The following CDH2 variants were observed in gnomAD, a reference collection of about 807,000 sequenced individuals.
The protein encoded by CDH2 is cadherin 2, also known as cadherin-2.
CDH2 carries 17 observed loss-of-function variants against 92.0 expected under a neutral mutation model. The observed-to-expected ratio is 0.18, with a 90% CI of 0.13 to 0.28. The LOEUF is 0.28. Among genes scored for constraint, CDH2 ranks in the 10% least tolerant of loss-of-function variants. The probability of loss-of-function intolerance (pLI) is 1.00; values close to 1 mark genes in which losing one functional copy is unlikely to be tolerated. For missense variants in CDH2, 862 were observed against 1,133.1 expected (o/e 0.76, Z 3.44); for synonymous variants, 419 against 415.9 (o/e 1.01, Z -0.09).
At chr18:28,144,452 C>T (rs1444033745) in intron 2 of CDH2, among the ~76,000 whole-genome samples, 1 of 151,948 alleles carries the variant, frequency 6.6e-6, no homozygotes, top group African/African-American at 2.4e-5. Context: ...AGAACTAACA[C>T]ACAAGCCTTG....
At chr18:28,160,172 A>C (rs1005227122) in intron 1 of CDH2, among the ~76,000 whole-genome samples, 8 of 151,292 alleles carry the variant, frequency 5.3e-5, no homozygotes, top group Non-Finnish European at 1.0e-4. Context: ...AAAAAAAAAA[A>C]CAGCAGGACC....
chr18:27,967,523 T>C (rs773899563), intron 14 of CDH2, among the ~76,000 whole-genome samples: 1 of 152,222 alleles, frequency 6.6e-6, no homozygotes. Flanking sequence ...ACATCTTTAT[T>C]TGGCTCCTAA....
chr18:27,963,956 TTC>T (rs71378903), intron 14 of CDH2, among the ~76,000 whole-genome samples: 53,667 of 151,904 alleles, frequency 0.35, 10,466 homozygotes, highest in Non-Finnish European at 0.45. Context: ...CCCTTCTTCC[TTC>T]TCTCTCTCCC....
At chr18:28,046,177 T>C (rs2014071519) in intron 2 of CDH2, among the ~76,000 whole-genome samples, 1 of 152,144 alleles carries the variant, frequency 6.6e-6, no homozygotes, top group Admixed American at 6.6e-5. Context: ...GTCTAAATAA[T>C]TTAAATACGG....
intron 1 of CDH2, among the ~76,000 whole-genome samples, chr18:28,163,297 T>C (rs2016333058): frequency 6.6e-6 from 1 of 152,188 alleles, no homozygotes; most frequent in Non-Finnish European, 1.5e-5. Flanking sequence ...GAAAACACAA[T>C]CTTGCATTAG....
chr18:28,064,222 G>A (rs569597189), intron 2 of CDH2, among the ~76,000 whole-genome samples: 7 of 152,098 alleles, frequency 4.6e-5, no homozygotes, highest in Non-Finnish European at 7.4e-5. Context: ...TCTGTATGGA[G>A]GCAATCCCTG....
chr18:28,167,941 C>T lies in CDH2; in HGVS notation c.60+9022G>A, dbSNP rs180827705. ...CAGACTTTTCTTTATTTACTCAACC[C>T]GAGAGCCATAAAGAATGAACTTCAG... On this transcript the variant is annotated intron_variant, in intron 1 of 15. Coordinates refer to ENST00000269141, the MANE Select transcript of CDH2 (RefSeq NM_001792.5). 4.5e-3 allele frequency among the ~76,000 whole-genome samples: 681 copies of T among 152,038 alleles called. 2 individuals are homozygous for T. The highest frequency in any genetic ancestry group is 0.016 in the African/African-American group (656 of 41,488).
intron 9 of CDH2, 85 bp from the exon 10 acceptor site, chr18:27,990,435 C>T (rs1227135594): frequency 1.7e-5 from 22 of 1,315,344 alleles, no homozygotes; most frequent in Non-Finnish European, 2.2e-5. Flanking sequence ...ACTCCATTTC[C>T]AAAAAATTAA....
At chr18:28,171,918 G>A (rs1210185345) in intron 1 of CDH2, among the ~76,000 whole-genome samples, 2 of 152,126 alleles carry the variant, frequency 1.3e-5, no homozygotes, top group Non-Finnish European at 2.9e-5. Context: ...CTACACAAGG[G>A]CATTCACTTA....
rs1031883491 is a variant in CDH2, at chr18:28,057,440, C to T, written c.173-43531G>A. On this transcript the variant is annotated intron_variant, in intron 2 of 15. Transcript: ENST00000269141. ...CAACACTTCAGGAGGCTGAGGTGGG[C>T]GGATCACTCAGGGTCAGAAGTTTGA... Among the ~76,000 whole-genome samples the T allele has an allele frequency of 8.6e-5, 13 of 151,788 alleles. No homozygotes were observed. In the East Asian group the frequency reaches 1.3e-3, roughly 16 times the overall value.
chr18:28,134,460 C>T (rs1000947573), intron 2 of CDH2, among the ~76,000 whole-genome samples: 2 of 152,000 alleles, frequency 1.3e-5, no homozygotes, highest in East Asian at 3.9e-4. Context: ...CTGTAATCCC[C>T]GCACTTGGGG....
chr18:28,080,536 T>TA (rs765959065), intron 2 of CDH2, among the ~76,000 whole-genome samples: 3 of 152,058 alleles, frequency 2.0e-5, no homozygotes, highest in Non-Finnish European at 2.9e-5. Context: ...AAGAAATACT[T>TA]AAAAAAACCT....
At chr18:27,966,015 AAG>A (rs1457711408) in intron 14 of CDH2, among the ~76,000 whole-genome samples, 64 of 150,942 alleles carry the variant, frequency 4.2e-4, no homozygotes, top group Middle Eastern at 3.4e-3. Context: ...AAAAAAAAAA[AAG>A]ATTTATTCAG....
At position 27,988,620 on chromosome 18, in the gene CDH2, C is replaced by T. The variant is rs201042909; in HGVS notation, c.1645G>A (p.Val549Met). The change falls in exon 11 of 16, where the codon GTG becomes ATG. Residue 549 changes from valine (V) to methionine (M), a missense_variant. Val to Met is a conservative substitution (Grantham distance 21). Transcript: ENST00000269141. ...DPANWLKIDP[V>M]NGQITTIAVL... ...GCAATTGTAGTTATTTGTCCATTCACAGGATCTATTTTTAGCCAATTGGCA... is the reference window on the plus strand; with the variant it reads ...GCAATTGTAGTTATTTGTCCATTCATAGGATCTATTTTTAGCCAATTGGCA... 14 of 1,609,090 alleles carry T rather than the reference C, an allele frequency of 8.7e-6. No homozygotes were observed. Among genetic ancestry groups the T allele is most frequent in the Non-Finnish European group, 1.1e-5 (13 of 1,175,664 alleles).
intron 2 of CDH2, among the ~76,000 whole-genome samples, chr18:28,030,736 G>C (rs536474487): frequency 1.3e-4 from 20 of 152,090 alleles, no homozygotes; most frequent in African/African-American, 4.6e-4. Flanking sequence ...AGCAAAGGCA[G>C]AATGAAAGAG....
At chr18:28,125,945 GAA>G (rs774597688) in intron 2 of CDH2, among the ~76,000 whole-genome samples, 2 of 152,058 alleles carry the variant, frequency 1.3e-5, no homozygotes, top group African/African-American at 2.4e-5. Flanking sequence ...TAAAAATTTA[GAA>G]ATATGAAAGC....
At chr18:28,024,442 T>C (rs924346868) in intron 2 of CDH2, among the ~76,000 whole-genome samples, 3 of 149,742 alleles carry the variant, frequency 2.0e-5, no homozygotes, top group African/African-American at 7.3e-5. Flanking sequence ...ATAAAGTATA[T>C]ATATAAATAA....
chr18:28,129,022 C>T (rs535463363), intron 2 of CDH2, among the ~76,000 whole-genome samples: 3 of 152,302 alleles, frequency 2.0e-5, no homozygotes, highest in South Asian at 4.1e-4. Flanking sequence ...GATCTAAGTA[C>T]ATCAAACCTT....
chr18:27,957,214 A>C (rs948115596), intron 15 of CDH2, among the ~76,000 whole-genome samples: 3 of 151,768 alleles, frequency 2.0e-5, no homozygotes, highest in Non-Finnish European at 2.9e-5. Context: ...ATGACTTAGG[A>C]GTCATTCCTG....
Sources: allele counts gnomAD v4.1 joint callset (sites outside exome capture counted in the v4.1 genomes callset), GRCh38; gene constraint gnomAD v4.1.1; transcripts MANE v1.5; gene names NCBI Gene and HGNC (gene_info 2026-07-23, HGNC 2026-07-21).